RABGAP1L: variants seen among roughly 807,000 people sequenced by gnomAD.
RABGAP1L encodes rab GTPase-activating protein 1-like.
RABGAP1L carries 63 observed loss-of-function variants against 137.7 expected under a neutral mutation model. The observed-to-expected ratio is 0.46, with a 90% CI of 0.37 to 0.56. The LOEUF (loss-of-function observed/expected upper bound fraction) is 0.56, where lower values mean the gene tolerates loss of function less well. Ranked by LOEUF, RABGAP1L falls within the 20% of genes least tolerant of loss-of-function variation. RABGAP1L has a pLI of 0.00. For missense variants in RABGAP1L, 1,095 were observed against 1,244.0 expected (o/e 0.88, Z 1.80); for synonymous variants, 431 against 433.7 (o/e 0.99, Z 0.08).
intron 13 of RABGAP1L, among the ~76,000 whole-genome samples, chr1:174,483,765 T>A (rs989937876): frequency 2.0e-5 from 3 of 151,526 alleles, no homozygotes; most frequent in Non-Finnish European, 2.9e-5. Context: ...AGGTGGAGGT[T>A]CTACTGAGCC....
At chr1:174,502,402 C>G (rs1661363444) in intron 13 of RABGAP1L, among the ~76,000 whole-genome samples, 1 of 151,430 alleles carries the variant, frequency 6.6e-6, no homozygotes, top group African/African-American at 2.4e-5. Flanking sequence ...AGCTTCTGAT[C>G]ACATTTTTAG....
intron 17 of RABGAP1L, among the ~76,000 whole-genome samples, chr1:174,716,729 G>A (rs547079666): frequency 9.3e-4 from 142 of 152,132 alleles, no homozygotes; most frequent in Non-Finnish European, 1.7e-3. Flanking sequence ...CCTCATCCTA[G>A]TAGTATAGCC....
intron 18 of RABGAP1L, among the ~76,000 whole-genome samples, chr1:174,793,519 G>A (rs1020643514): frequency 1.3e-5 from 2 of 152,168 alleles, no homozygotes; most frequent in Admixed American, 6.5e-5. Context: ...ATTCTTCGAT[G>A]TTTGAGTTCC....
intron 13 of RABGAP1L, among the ~76,000 whole-genome samples, chr1:174,585,691 G>A (rs893092437): frequency 2.0e-5 from 3 of 152,204 alleles, no homozygotes; most frequent in Admixed American, 2.0e-4. Flanking sequence ...TGCTTAGTCT[G>A]TGTGATATAC....
At chr1:174,937,657 A>G (rs939963935) in intron 19 of RABGAP1L, among the ~76,000 whole-genome samples, 2 of 66,656 alleles carry the variant, frequency 3.0e-5, no homozygotes, top group Non-Finnish European at 5.7e-5. Flanking sequence ...AAACTGTCAT[A>G]AATGTATTAC....
intron 1 of RABGAP1L, among the ~76,000 whole-genome samples, chr1:174,177,270 A>G (rs370246110): frequency 3.9e-5 from 6 of 152,322 alleles, no homozygotes; most frequent in African/African-American, 1.2e-4. Flanking sequence ...TTGGCCGCAT[A>G]AATGTCTTCT....
chr1:174,892,732 CT>C (rs57239363), intron 19 of RABGAP1L: 29,198 of 371,426 alleles, frequency 0.079, no homozygotes, highest in South Asian at 0.13. Flanking sequence ...TGTTTTCTTT[CT>C]TTTTTTTTTT....
At chr1:174,910,951 C>G (rs1444151273) in intron 19 of RABGAP1L, among the ~76,000 whole-genome samples, 1 of 152,196 alleles carries the variant, frequency 6.6e-6, no homozygotes, top group Admixed American at 6.5e-5. Flanking sequence ...CCACTCTTCA[C>G]TAACATATGT....
rs575566130 is a variant in RABGAP1L, at chr1:174,579,277, G to A, written c.1711-58098G>A. The stretch of plus-strand genomic sequence containing the variant: ...GTTTTTAATGCTAATCAGTGGGAAG[G>A]GAGTTGGAGACCAGATGACTAGTAG... On this transcript the variant is annotated intron_variant, in intron 13 of 25. Coordinates refer to ENST00000681986, the MANE Select transcript of RABGAP1L (RefSeq NM_001366446.1). Among the ~76,000 whole-genome samples the A allele has an allele frequency of 4.5e-4, 69 of 152,234 alleles. 1 individual carries two copies. Among genetic ancestry groups the A allele is most frequent in the African/African-American group, 1.6e-3 (66 of 41,532 alleles).
At chr1:174,462,549 G>T (rs1656807809) in intron 13 of RABGAP1L, among the ~76,000 whole-genome samples, 1 of 151,430 alleles carries the variant, frequency 6.6e-6, no homozygotes, top group African/African-American at 2.4e-5. Flanking sequence ...AACTTTTATT[G>T]TAGGTTCAGG....
At chr1:174,734,572 C>T (rs1682774430) in intron 17 of RABGAP1L, among the ~76,000 whole-genome samples, 1 of 152,144 alleles carries the variant, frequency 6.6e-6, no homozygotes, top group South Asian at 2.1e-4. Context: ...GAAACTTGGT[C>T]TTAGGAGAAA....
chr1:174,515,813 G>T (rs1662774292), intron 13 of RABGAP1L, among the ~76,000 whole-genome samples: 1 of 152,020 alleles, frequency 6.6e-6, no homozygotes, highest in African/African-American at 2.4e-5. Context: ...GCCGATAATG[G>T]TGGTAAAGGC....
intron 1 of RABGAP1L, among the ~76,000 whole-genome samples, chr1:174,172,210 G>GTGTGTA (rs1665467715): frequency 8.6e-6 from 1 of 116,906 alleles, no homozygotes; most frequent in African/African-American, 3.3e-5. Flanking sequence ...GTGTGTGTGT[G>GTGTGTA]TGTGTGTATA....
intron 18 of RABGAP1L, among the ~76,000 whole-genome samples, chr1:174,791,190 C>CA (rs369764170): frequency 0.14 from 14,015 of 102,376 alleles, 884 homozygotes; most frequent in Middle Eastern, 0.3. Context: ...GACTCCATCT[C>CA]AAAAAAAAAA....
chr1:174,448,508 G>A lies in RABGAP1L; in HGVS notation c.1710+54363G>A, dbSNP rs1655048063. ...AAAAAGTGTTTCTATGGCATGTCTT[G>A]CTTGCATCAGTGTGGATCGTTATCT... On this transcript the variant is annotated intron_variant, in intron 13 of 25. Transcript: ENST00000681986. This position sits in a 1 kb window ranked among gnomAD's most constrained non-coding sequence, Gnocchi z 4.2. The A allele has an allele frequency of 6.2e-7, 1 of 1,613,280 alleles. No individual in the cohort carries two copies. The highest frequency in any genetic ancestry group is 1.3e-5 in the African/African-American group (1 of 74,884).
intron 19 of RABGAP1L, among the ~76,000 whole-genome samples, chr1:174,905,640 C>T (rs558189260): frequency 6.6e-6 from 1 of 152,156 alleles, no homozygotes; most frequent in African/African-American, 2.4e-5. Flanking sequence ...CACTTGAGGT[C>T]AGGAGTTCGA....
intron 20 of RABGAP1L, among the ~76,000 whole-genome samples, chr1:174,961,944 C>T (rs1387148601): frequency 6.6e-6 from 1 of 151,120 alleles, no homozygotes; most frequent in African/African-American, 2.4e-5. Context: ...ATCACAAGGT[C>T]AGGAGAATCG....
At chr1:174,782,218 C>T (rs546390945) in intron 18 of RABGAP1L, among the ~76,000 whole-genome samples, 2 of 152,076 alleles carry the variant, frequency 1.3e-5, no homozygotes, top group Admixed American at 6.6e-5. Flanking sequence ...TTCCTCCATT[C>T]GTTTGTGCCC....
At chr1:174,588,097 C>T (rs980369034) in intron 13 of RABGAP1L, among the ~76,000 whole-genome samples, 1 of 151,992 alleles carries the variant, frequency 6.6e-6, no homozygotes, top group Non-Finnish European at 1.5e-5. Context: ...AACTTCTGAC[C>T]TCAAGTGATC....
Sources: gnomAD v4.1 joint callset for allele counts (sites outside exome capture counted in the v4.1 genomes callset) on GRCh38, gnomAD v4.1.1 for gene constraint, Gnocchi (gnomAD v3.1) non-coding constraint, MANE v1.5 for transcripts, NCBI Gene and HGNC (gene_info 2026-07-23, HGNC 2026-07-21) for gene names.